MAML3: variants seen among roughly 807,000 people sequenced by gnomAD.
MAML3 encodes the protein mastermind-like protein 3.
MAML3 carries 27 observed loss-of-function variants against 101.9 expected under a neutral mutation model. That is an observed-to-expected ratio of 0.27 (90% CI 0.20 to 0.37). The LOEUF is 0.37. MAML3 is among the 10% of genes least tolerant of loss of function. The pLI is 1.00. For synonymous variants in MAML3, 501 were observed against 555.9 expected, an observed-to-expected ratio of 0.90 and a Z score of 1.39; for missense variants, 1,316 against 1,444.9, an observed-to-expected ratio of 0.91 and a Z score of 1.45.
intron 1 of MAML3, among the ~76,000 whole-genome samples, chr4:139,994,839 G>A (rs1298080233): frequency 1.3e-5 from 2 of 151,562 alleles, no homozygotes; most frequent in Non-Finnish European, 2.9e-5. Flanking sequence ...TATACATACA[G>A]GATCAAGTCA....
At chr4:139,820,309 T>C (rs762505986) in intron 2 of MAML3, among the ~76,000 whole-genome samples, 2 of 152,212 alleles carry the variant, frequency 1.3e-5, no homozygotes, top group Non-Finnish European at 2.9e-5. Context: ...GTTAAATTCG[T>C]TTTAAGGTCA....
chr4:140,058,974 A>T (rs183866748), intron 1 of MAML3, among the ~76,000 whole-genome samples: 1 of 152,356 alleles, frequency 6.6e-6, no homozygotes, highest in Admixed American at 6.5e-5. Flanking sequence ...CGGTAATGGC[A>T]TCTGTTCTTC....
At chr4:140,059,770 G>A (rs913424561) in intron 1 of MAML3, among the ~76,000 whole-genome samples, 1 of 152,030 alleles carries the variant, frequency 6.6e-6, no homozygotes, top group Non-Finnish European at 1.5e-5. Context: ...ATAAGATATA[G>A]GAAAAAATTA....
chr4:139,803,398 CA>C (rs758301760), intron 2 of MAML3, among the ~76,000 whole-genome samples: 1 of 152,134 alleles, frequency 6.6e-6, no homozygotes, highest in Non-Finnish European at 1.5e-5. Context: ...TTTTATACAG[CA>C]CAACAAAACA....
chr4:140,094,454 C>T (rs527449588), intron 1 of MAML3, among the ~76,000 whole-genome samples: 17 of 152,320 alleles, frequency 1.1e-4, no homozygotes, highest in Admixed American at 5.2e-4. Context: ...ATGCTGCGAC[C>T]GCCAACCATG....
chr4:140,126,260 C>A (rs1387728073), intron 1 of MAML3, among the ~76,000 whole-genome samples: 2 of 151,924 alleles, frequency 1.3e-5, no homozygotes, highest in East Asian at 3.9e-4. Context: ...AGGGGCCCCT[C>A]TTAAATGTGA....
intron 1 of MAML3, among the ~76,000 whole-genome samples, chr4:139,986,953 G>C (rs1734550624): frequency 6.6e-6 from 1 of 152,138 alleles, no homozygotes; most frequent in Admixed American, 6.5e-5. Context: ...ACCATGGACA[G>C]TAATCAATTA....
chr4:140,144,402 A>C (rs543516332), intron 1 of MAML3, among the ~76,000 whole-genome samples: 2 of 152,052 alleles, frequency 1.3e-5, no homozygotes, highest in South Asian at 4.2e-4. Context: ...CAAAAAATTA[A>C]CTGGGAGTGG....
At chr4:140,061,403 A>G (rs1727446454) in intron 1 of MAML3, among the ~76,000 whole-genome samples, 1 of 152,222 alleles carries the variant, frequency 6.6e-6, no homozygotes, top group African/African-American at 2.4e-5. Context: ...ATACAGGAGG[A>G]AGACAGCAAT....
chr4:139,922,268 T>C (rs1373757418), intron 1 of MAML3, among the ~76,000 whole-genome samples: 1 of 152,180 alleles, frequency 6.6e-6, no homozygotes, highest in African/African-American at 2.4e-5. Context: ...ACTACCATCC[T>C]TCTTAACACC....
At chr4:140,012,670 A>C (rs1425482116) in intron 1 of MAML3, among the ~76,000 whole-genome samples, 1 of 152,086 alleles carries the variant, frequency 6.6e-6, no homozygotes, top group African/African-American at 2.4e-5. Flanking sequence ...TAAAATCTGT[A>C]CCTTTTTACC....
At chr4:139,721,807 A>G (rs1728245342) in intron 4 of MAML3, among the ~76,000 whole-genome samples, 1 of 152,226 alleles carries the variant, frequency 6.6e-6, no homozygotes, top group South Asian at 2.1e-4. Flanking sequence ...ATTTTTTGAA[A>G]AATCGAAAGT....
intron 2 of MAML3, among the ~76,000 whole-genome samples, chr4:139,854,138 C>T (rs925642781): frequency 5.3e-5 from 8 of 151,820 alleles, no homozygotes; most frequent in African/African-American, 1.7e-4. Flanking sequence ...TTTTTTTATC[C>T]TTTCTATGCC....
chr4:139,843,170 A>G (rs1731392008), intron 2 of MAML3, among the ~76,000 whole-genome samples: 1 of 152,120 alleles, frequency 6.6e-6, no homozygotes, highest in African/African-American at 2.4e-5. Context: ...AACTTATGGC[A>G]TCTGTTCCTC....
intron 1 of MAML3, among the ~76,000 whole-genome samples, chr4:140,131,892 C>T (rs1728800195): frequency 6.6e-6 from 1 of 152,262 alleles, no homozygotes; most frequent in African/African-American, 2.4e-5. Flanking sequence ...GGGTGTTCTC[C>T]ACCCACATAC....
intron 2 of MAML3, among the ~76,000 whole-genome samples, chr4:139,800,283 T>C (rs965198153): frequency 6.6e-6 from 1 of 152,198 alleles, no homozygotes; most frequent in African/African-American, 2.4e-5. Context: ...CTAGATTGTT[T>C]AATGATTACC....
intron 2 of MAML3, among the ~76,000 whole-genome samples, chr4:139,736,968 T>C (rs1728969681): frequency 1.3e-5 from 2 of 152,290 alleles, no homozygotes; most frequent in Non-Finnish European, 2.9e-5. Flanking sequence ...CCAGTGATGT[T>C]TGCAATGCAA....
intron 1 of MAML3, among the ~76,000 whole-genome samples, chr4:140,113,327 C>A (rs185746652): frequency 1.0e-3 from 155 of 152,034 alleles, no homozygotes; most frequent in Middle Eastern, 3.4e-3. Flanking sequence ...AAAAGTAAAG[C>A]ACGACTATAT....
intron 1 of MAML3, among the ~76,000 whole-genome samples, chr4:139,942,544 G>A (rs1457847265): frequency 6.6e-6 from 1 of 152,008 alleles, no homozygotes; most frequent in African/African-American, 2.4e-5. Context: ...GAGGTCACTC[G>A]GCCCCCTTTG....
Sources: gnomAD v4.1 joint callset for allele counts (sites outside exome capture counted in the v4.1 genomes callset) on GRCh38, gnomAD v4.1.1 for gene constraint, MANE v1.5 for transcripts, NCBI Gene and HGNC (gene_info 2026-07-23, HGNC 2026-07-21) for gene names.